Variants in DMD observed in about 807,000 individuals in gnomAD.
DMD encodes mutant dystrophin.
Under a neutral mutation model 330.1 loss-of-function variants are expected in DMD, and 63 were observed. The ratio of observed to expected loss-of-function variants is 0.19; its 90% CI spans 0.16 to 0.24. The LOEUF is 0.24. Ranked by LOEUF, DMD falls within the 10% of genes least tolerant of loss-of-function variation. The pLI is 1.00. For missense variants in DMD, 3,344 were observed against 2,684.1 expected (o/e 1.25, Z -5.43); for synonymous variants, 1,223 against 959.8 (o/e 1.27, Z -5.07).
At position 32,833,967 on chromosome X, in the gene DMD, A is replaced by G. The variant is rs773022064; in HGVS notation, c.265-10580T>C. On this transcript the variant is annotated intron_variant, in intron 4 of 78. Transcript: ENST00000357033. ...CCAGAAAATTATTTTAAATGAGAAC[A>G]TGCTGCAATTTAAGAGTAGTTATAT... Among the ~76,000 whole-genome samples the G allele has an allele frequency of 2.5e-3, 277 of 111,301 alleles. 1 individual carries two copies. The highest frequency in any genetic ancestry group is 8.7e-3 in the African/African-American group (267 of 30,835).
chrX:31,974,645 T>C (rs2095423312), intron 44 of DMD, among the ~76,000 whole-genome samples: 1 of 110,364 alleles, frequency 9.1e-6, no homozygotes, highest in African/African-American at 3.3e-5. Context: ...TAATACTCTC[T>C]TTTTCCTGTG....
intron 43 of DMD, among the ~76,000 whole-genome samples, chrX:32,243,239 C>T (rs960345441): frequency 1.8e-5 from 2 of 110,772 alleles, no homozygotes; most frequent in African/African-American, 6.6e-5. Context: ...TTCAAAAGTG[C>T]TTGGGTTGAT....
chrX:32,625,576 T>TAATATTTA (rs2058295182), intron 11 of DMD, among the ~76,000 whole-genome samples: 1 of 112,291 alleles, frequency 8.9e-6, no homozygotes, highest in Non-Finnish European at 1.9e-5. Context: ...TAGCATTTTT[T>TAATATTTA]AAAATTTTCA....
rs772608038 is a variant in DMD at position 32,099,233 on chromosome X, G to T, written c.6438+117683C>A. ...ATCTCATTGTGGTTTTGATTTGCAT[G>T]TCTCTGATGGCCAGTGATGGTGAGC... On this transcript the variant is annotated intron_variant, in intron 44 of 78. Coordinates refer to ENST00000357033, the MANE Select transcript of DMD (RefSeq NM_004006.3). Among the ~76,000 whole-genome samples, 275 of 111,320 alleles carry T rather than the reference G, an allele frequency of 2.5e-3. 2 individuals carry two copies. Among genetic ancestry groups the T allele is most frequent in the African/African-American group, 8.2e-3 (251 of 30,629 alleles).
chrX:32,334,712 G>T (rs1603631008), intron 41 of DMD, among the ~76,000 whole-genome samples: 1 of 111,369 alleles, frequency 9.0e-6, no homozygotes, highest in African/African-American at 3.3e-5. Context: ...ACTCAAATAA[G>T]AAACCTTTCA....
chrX:31,437,135 G>A (rs58963087), intron 60 of DMD, among the ~76,000 whole-genome samples: 2,329 of 111,511 alleles, frequency 0.021, 61 homozygotes, highest in African/African-American at 0.071. Flanking sequence ...TCCAAAAACT[G>A]GAGAATTGCC....
intron 18 of DMD, among the ~76,000 whole-genome samples, chrX:32,515,230 A>G (rs1445276011): frequency 9.0e-6 from 1 of 111,509 alleles, no homozygotes; most frequent in Non-Finnish European, 1.9e-5. Flanking sequence ...AAGCAGAGGA[A>G]GTGAAGCAAG....
At chrX:32,405,238 G>T (rs946353397) in intron 30 of DMD, among the ~76,000 whole-genome samples, 33 of 111,658 alleles carry the variant, frequency 3.0e-4, no homozygotes, top group African/African-American at 9.7e-4. Context: ...CCGGGGCTCA[G>T]CATGGTTACT....
intron 55 of DMD, among the ~76,000 whole-genome samples, chrX:31,607,324 A>G (rs1413722233): frequency 8.9e-6 from 1 of 112,110 alleles, no homozygotes; most frequent in Non-Finnish European, 1.9e-5. Context: ...AATGGCTACA[A>G]TGACACATAA....
chrX:32,587,012 C>T (rs754871176), intron 13 of DMD, among the ~76,000 whole-genome samples: 32 of 110,996 alleles, frequency 2.9e-4, no homozygotes, highest in African/African-American at 9.5e-4. Flanking sequence ...GGAACTAGAG[C>T]GAAACATCAA....
intron 1 of DMD, among the ~76,000 whole-genome samples, chrX:33,040,544 A>T (rs2094282550): frequency 9.0e-6 from 1 of 111,052 alleles, no homozygotes; most frequent in African/African-American, 3.3e-5. Context: ...GACCGCAGAC[A>T]CTATTACATT....
At chrX:31,275,842 T>A (rs1331655261) in intron 62 of DMD, among the ~76,000 whole-genome samples, 3 of 111,197 alleles carry the variant, frequency 2.7e-5, no homozygotes, top group Non-Finnish European at 5.7e-5. Context: ...AAAGGAAAAG[T>A]GTAGGATTTT....
At chrX:32,458,597 T>A (rs1002838444) in intron 25 of DMD, among the ~76,000 whole-genome samples, 1 of 111,280 alleles carries the variant, frequency 9.0e-6, no homozygotes, top group African/African-American at 3.3e-5. Context: ...CTGCACCAAT[T>A]TACATTCCAA....
chrX:32,349,804 A>C (rs941600410), intron 37 of DMD, among the ~76,000 whole-genome samples: 3 of 111,816 alleles, frequency 2.7e-5, no homozygotes, highest in Non-Finnish European at 5.7e-5. Flanking sequence ...TTACAGTACC[A>C]GTTTTTAAAT....
chrX:33,314,130 C>CAA (rs1336165267), intron 1 of DMD, among the ~76,000 whole-genome samples: 5 of 108,791 alleles, frequency 4.6e-5, no homozygotes, highest in African/African-American at 6.8e-5. Context: ...CACACACACA[C>CAA]AACCCCCATT....
chrX:32,055,077 A>G (rs1190722229), intron 44 of DMD, among the ~76,000 whole-genome samples: 2 of 111,889 alleles, frequency 1.8e-5, no homozygotes, highest in Admixed American at 9.5e-5. Context: ...AGCCCATCAT[A>G]GAGTAGAAGA....
chrX:32,700,473 G>C (rs561370626), intron 7 of DMD, among the ~76,000 whole-genome samples: 7 of 111,041 alleles, frequency 6.3e-5, no homozygotes, highest in African/African-American at 2.3e-4. Flanking sequence ...GGAAAAATAA[G>C]TTCAGGAGAT....
chrX:31,417,623 C>T (rs1256315276), intron 60 of DMD, among the ~76,000 whole-genome samples: 2 of 110,882 alleles, frequency 1.8e-5, no homozygotes, highest in Non-Finnish European at 3.8e-5. Context: ...TAATATGTGG[C>T]ATAGCTTCTG....
At chrX:32,748,114 A>C (rs900526442) in intron 7 of DMD, among the ~76,000 whole-genome samples, 3 of 110,471 alleles carry the variant, frequency 2.7e-5, no homozygotes, top group Non-Finnish European at 5.7e-5. Context: ...AGGCTGAGGC[A>C]GGCAGATCAC....
Sources: gnomAD v4.1 joint callset for allele counts (sites outside exome capture counted in the v4.1 genomes callset) on GRCh38, gnomAD v4.1.1 for gene constraint, MANE v1.5 for transcripts, NCBI Gene and HGNC (gene_info 2026-07-23, HGNC 2026-07-21) for gene names.